The following GPHN variants were observed in gnomAD, a reference collection of about 807,000 sequenced individuals.
GPHN encodes gephyrin.
GPHN carries 17 observed loss-of-function variants against 95.5 expected under a neutral mutation model. That is an observed-to-expected ratio of 0.18 (90% CI 0.12 to 0.27). GPHN has a LOEUF of 0.27. Among genes scored for constraint, GPHN ranks in the 10% least tolerant of loss-of-function variants. The pLI is 1.00. For synonymous variants in GPHN, 320 were observed against 322.5 expected (o/e 0.99, Z 0.08); for missense variants, 660 against 978.1 (o/e 0.67, Z 4.34).
chr14:66,677,212 G>A (rs1194173173), intron 1 of GPHN, among the ~76,000 whole-genome samples: 2 of 151,880 alleles, frequency 1.3e-5, no homozygotes, highest in African/African-American at 4.8e-5. Flanking sequence ...TGTAAATATA[G>A]TTTATCTTTC....
chr14:67,546,192 C>T, the GPHN span, among the ~76,000 whole-genome samples: 6,343 of 152,076 alleles, frequency 0.042, 201 homozygotes, highest in Non-Finnish European at 0.067. Context: ...GTAGGGTCAA[C>T]GCCGGGGGAA....
In GPHN at chr14:67,022,040, A is replaced by G. The variant is rs1017699119; in HGVS notation, c.964-1593A>G. Among the ~76,000 whole-genome samples, 5 of 151,520 alleles carry G rather than the reference A, an allele frequency of 3.3e-5. No individual in the cohort carries two copies. In the South Asian group the frequency reaches 1.0e-3, roughly 32 times the overall value. On this transcript the variant is annotated intron_variant, in intron 9 of 22. Coordinates refer to ENST00000478722, the MANE Select transcript of GPHN (RefSeq NM_020806.5). ...AGCTTTCTCTTGTGTTCTTTGAATC[A>G]CTTTTTGAAATGTAGTTTCTCTCTT...
At chr14:66,981,103 T>C (rs1383973649) in intron 9 of GPHN, among the ~76,000 whole-genome samples, 2 of 152,316 alleles carry the variant, frequency 1.3e-5, no homozygotes, top group Non-Finnish European at 2.9e-5. Context: ...TTAGAGGATC[T>C]GTAACTTGCC....
the GPHN span, chr14:67,684,855 A>G: frequency 1.9e-6 from 1 of 518,650 alleles, no homozygotes; most frequent in Non-Finnish European, 3.4e-6. Flanking sequence ...AGTTATTACA[A>G]AAGAGAGTCA....
At chr14:67,438,705 T>TA in the GPHN span, among the ~76,000 whole-genome samples, 81 of 151,536 alleles carry the variant, frequency 5.3e-4, 1 homozygote, top group African/African-American at 1.9e-3. Flanking sequence ...TACTAAAAAT[T>TA]AAAAAAGTAG....
At chr14:67,485,963 C>T in the GPHN span, among the ~76,000 whole-genome samples, 1 of 152,234 alleles carries the variant, frequency 6.6e-6, no homozygotes, top group Admixed American at 6.5e-5. Context: ...CTACTCCAGG[C>T]CTCCTAGACC....
chr14:67,540,592 C>T, the GPHN span, among the ~76,000 whole-genome samples: 2 of 150,626 alleles, frequency 1.3e-5, no homozygotes, highest in African/African-American at 4.9e-5. Context: ...CACCATTGTA[C>T]TCCAGTGTGG....
chr14:67,152,795 T>C (rs1416455783), intron 18 of GPHN, among the ~76,000 whole-genome samples: 1 of 151,662 alleles, frequency 6.6e-6, no homozygotes, highest in African/African-American at 2.4e-5. Context: ...GGAAACCCCA[T>C]CTCTACTAAA....
intron 5 of GPHN, among the ~76,000 whole-genome samples, chr14:66,883,680 G>C (rs1309619702): frequency 6.6e-6 from 1 of 152,058 alleles, no homozygotes; most frequent in Non-Finnish European, 1.5e-5. Context: ...CAATTGATCT[G>C]ATTGGGTTCA....
chr14:67,257,772 T>G, the GPHN span, among the ~76,000 whole-genome samples: 1 of 152,136 alleles, frequency 6.6e-6, no homozygotes, highest in South Asian at 2.1e-4. Context: ...AGAACTCAGG[T>G]AGAGGAGGTG....
intron 11 of GPHN, among the ~76,000 whole-genome samples, chr14:67,086,451 AC>A (rs1272885464): frequency 6.6e-6 from 1 of 151,870 alleles, no homozygotes. Context: ...GGAGATCGAG[AC>A]CATCCTGGCT....
intron 11 of GPHN, chr14:67,059,014 G>GA (rs77636679): frequency 0.086 from 32,071 of 374,622 alleles, 11 homozygotes; most frequent in South Asian, 0.12. Flanking sequence ...TTAAAAAAAG[G>GA]AAAAAAAAAA....
chr14:66,923,423 T>C (rs1448220744), intron 7 of GPHN, among the ~76,000 whole-genome samples: 4 of 152,146 alleles, frequency 2.6e-5, no homozygotes, highest in African/African-American at 9.7e-5. Flanking sequence ...TAATAACTTA[T>C]TCAAACATTG....
intron 9 of GPHN, among the ~76,000 whole-genome samples, chr14:67,001,268 A>C (rs2097311495): frequency 6.6e-6 from 1 of 151,554 alleles, no homozygotes; most frequent in Admixed American, 6.6e-5. Context: ...TGATGTTCTA[A>C]ATTTTCTTTC....
intron 1 of GPHN, among the ~76,000 whole-genome samples, chr14:66,547,064 C>G (rs1054656573): frequency 6.6e-6 from 1 of 151,740 alleles, no homozygotes; most frequent in Non-Finnish European, 1.5e-5. Context: ...CTTGGTGGAG[C>G]CTTTGTGGCT....
chr14:66,899,702 A>G (rs1160077314), intron 5 of GPHN, among the ~76,000 whole-genome samples: 2 of 151,890 alleles, frequency 1.3e-5, no homozygotes, highest in African/African-American at 2.4e-5. Context: ...ATCTATATTC[A>G]TAAGAGATAC....
the GPHN span, among the ~76,000 whole-genome samples, chr14:67,402,857 T>C: frequency 6.6e-6 from 1 of 152,252 alleles, no homozygotes; most frequent in South Asian, 2.1e-4. Flanking sequence ...ATCTTGGCTA[T>C]TGTAAACAGT....
At chr14:67,461,919 G>A in the GPHN span, among the ~76,000 whole-genome samples, 3 of 152,244 alleles carry the variant, frequency 2.0e-5, no homozygotes, top group African/African-American at 7.2e-5. Flanking sequence ...GGCCGGGCGA[G>A]GTTCTGCCTC....
chr14:66,802,578 A>C (rs2060397659), intron 3 of GPHN, among the ~76,000 whole-genome samples: 1 of 152,160 alleles, frequency 6.6e-6, no homozygotes, highest in Non-Finnish European at 1.5e-5. Context: ...ATCTCACCTG[A>C]TGCCAGCAAG....
Sources: allele counts gnomAD v4.1 joint callset (sites outside exome capture counted in the v4.1 genomes callset), GRCh38; gene constraint gnomAD v4.1.1; transcripts MANE v1.5; gene names NCBI Gene and HGNC (gene_info 2026-07-23, HGNC 2026-07-21).